Variants in MORC3 observed in about 807,000 individuals in gnomAD.
The protein encoded by MORC3 is MORC family CW-type zinc finger protein 3.
A neutral mutation model predicts 109.1 loss-of-function variants in MORC3; 31 were observed. The ratio of observed to expected loss-of-function variants is 0.28; its 90% CI spans 0.21 to 0.38. The LOEUF is 0.38. MORC3 is among the 10% of genes least tolerant of loss of function. The pLI is 1.00. For missense variants in MORC3, 867 were observed against 1,135.8 expected, an observed-to-expected ratio of 0.76 and a Z score of 3.40; for synonymous variants, 395 against 380.7, an observed-to-expected ratio of 1.04 and a Z score of -0.44.
intron 1 of MORC3, among the ~76,000 whole-genome samples, chr21:36,327,051 G>A (rs1025910069): frequency 6.6e-6 from 1 of 151,590 alleles, no homozygotes; most frequent in Admixed American, 6.6e-5. Context: ...TTGACCTCAG[G>A]TGATCCGCCC....
chr21:36,336,796 C>T, intron 2 of MORC3, 78 bp from the exon 3 acceptor site: 1 of 1,350,728 alleles, frequency 7.4e-7, no homozygotes, highest in South Asian at 1.9e-5. Context: ...TCTTCTATTG[C>T]TTCTTACAGG....
intron 14 of MORC3, among the ~76,000 whole-genome samples, chr21:36,365,536 T>G (rs1364745917): frequency 6.6e-6 from 1 of 152,202 alleles, no homozygotes; most frequent in Non-Finnish European, 1.5e-5. Flanking sequence ...ACTGCCTTTA[T>G]GCATATATAA....
intron 1 of MORC3, among the ~76,000 whole-genome samples, chr21:36,332,158 G>A (rs561255436): frequency 6.6e-6 from 1 of 152,024 alleles, no homozygotes; most frequent in Non-Finnish European, 1.5e-5. Context: ...TAAGAGGCTG[G>A]GTGTGGTGGC....
intron 1 of MORC3, among the ~76,000 whole-genome samples, chr21:36,323,613 C>G (rs541493216): frequency 6.6e-6 from 1 of 152,086 alleles, no homozygotes; most frequent in East Asian, 1.9e-4. Flanking sequence ...TACCCTTGCT[C>G]TTTCTTTAAT....
intron 10 of MORC3, 61 bp downstream of exon 10, chr21:36,356,785 A>G: frequency 8.9e-7 from 1 of 1,120,026 alleles, no homozygotes; most frequent in Non-Finnish European, 1.3e-6. Context: ...ATTAGAGAGT[A>G]AAGGGATTGT....
chr21:36,362,141 G>A (rs1013022544), intron 12 of MORC3, 42 bp from the exon 13 acceptor site: 9 of 1,596,868 alleles, frequency 5.6e-6, no homozygotes, highest in Non-Finnish European at 6.0e-6. Flanking sequence ...TTGGGAAATG[G>A]GATTGAGAAA....
In MORC3 at chr21:36,366,883, T is replaced by G. The variant is rs139828916; in HGVS notation, c.1620-2105T>G. Among the ~76,000 whole-genome samples the G allele has an allele frequency of 1.8e-4, 28 of 152,242 alleles. 1 individual carries two copies. Among genetic ancestry groups the G allele is most frequent in the Non-Finnish European group, 3.5e-4 (24 of 68,022 alleles). ...GAAAAAGAATAGAGTAACTCCAAAT[T>G]AAACAGGGCAGAGTAAGCAAGAAGT... On this transcript the variant is annotated intron_variant, in intron 14 of 16. Transcript: ENST00000400485.
rs575874698 is a variant in MORC3, at chr21:36,361,498, A to G, written c.1407-685A>G. 3.0e-4 allele frequency among the ~76,000 whole-genome samples: 39 copies of G among 128,616 alleles called. No homozygotes were observed. In the East Asian group the frequency reaches 7.2e-3, roughly 24 times the overall value. 84.4% of individuals were successfully genotyped at this position (128,616 alleles called of 152,430 possible). ...GCAGAGATTGTAGTGAGCCGAGCAC[A>G]CCACTGCATTCCAGCCTGGGCGACA... On this transcript the variant is annotated intron_variant, in intron 12 of 16. Transcript: ENST00000400485.
chr21:36,357,647 C>T (rs928733827), intron 10 of MORC3, among the ~76,000 whole-genome samples: 1 of 151,096 alleles, frequency 6.6e-6, no homozygotes, highest in Non-Finnish European at 1.5e-5. Context: ...TTTCCTGAGA[C>T]AAGGAGTTTA....
At chr21:36,362,872 G>T (rs1001512155) in intron 13 of MORC3, among the ~76,000 whole-genome samples, 6 of 151,908 alleles carry the variant, frequency 3.9e-5, no homozygotes, top group Non-Finnish European at 7.4e-5. Flanking sequence ...GTTTAGTTGG[G>T]TATCTTCTGA....
At chr21:36,331,531 G>A (rs1177953286) in intron 1 of MORC3, among the ~76,000 whole-genome samples, 2 of 152,114 alleles carry the variant, frequency 1.3e-5, no homozygotes, top group African/African-American at 2.4e-5. Context: ...AAACCCGGCG[G>A]GCGGAGCTTG....
chr21:36,326,582 A>G (rs2085250236), intron 1 of MORC3, among the ~76,000 whole-genome samples: 1 of 152,128 alleles, frequency 6.6e-6, no homozygotes, highest in South Asian at 2.1e-4. Context: ...GAACTTTATC[A>G]TACATATGTA....
chr21:36,363,958 G>C (rs2085748651), intron 13 of MORC3, 135 bp from the exon 14 acceptor site: 3 of 923,854 alleles, frequency 3.2e-6, no homozygotes, highest in Non-Finnish European at 4.8e-6. Context: ...TCCTGGTATA[G>C]CACAAGGAAT....
intron 8 of MORC3, among the ~76,000 whole-genome samples, chr21:36,346,548 C>T (rs1356031880): frequency 3.3e-5 from 5 of 151,986 alleles, no homozygotes; most frequent in Admixed American, 6.6e-5. Context: ...TGCCTTACAC[C>T]TGTAATCCCA....
At chr21:36,325,233 C>T (rs1046222716) in intron 1 of MORC3, among the ~76,000 whole-genome samples, 1 of 151,996 alleles carries the variant, frequency 6.6e-6, no homozygotes, top group Non-Finnish European at 1.5e-5. Context: ...TTTTAAAAAA[C>T]GAGAACAACA....
At chr21:36,347,165 C>G (rs951925491) in intron 8 of MORC3, among the ~76,000 whole-genome samples, 3 of 151,838 alleles carry the variant, frequency 2.0e-5, no homozygotes, top group Non-Finnish European at 2.9e-5. Flanking sequence ...GGTGATAATT[C>G]TTTGTCTTAA....
chr21:36,358,461 A>G (rs753628863), intron 10 of MORC3, among the ~76,000 whole-genome samples: 6 of 151,926 alleles, frequency 3.9e-5, no homozygotes, highest in Non-Finnish European at 8.8e-5. Flanking sequence ...CATATGTAAA[A>G]TAAGTCTACA....
intron 10 of MORC3, among the ~76,000 whole-genome samples, chr21:36,357,537 A>G (rs1215723293): frequency 1.3e-5 from 2 of 151,968 alleles, no homozygotes; most frequent in Non-Finnish European, 2.9e-5. Context: ...GGCATGAGCC[A>G]CCGTGCCCAG....
rs764902744 is a variant in MORC3 at position 36,364,082 on chromosome 21, C to T, written c.1453-11C>T. ...TAGTTCCTTTAAGGTGATGATTTTTCCCTCCAACAGATTAATGCTGAACTG... is the reference window on the plus strand; with the variant it reads ...TAGTTCCTTTAAGGTGATGATTTTTTCCTCCAACAGATTAATGCTGAACTG... On this transcript the variant is annotated splice_polypyrimidine_tract_variant and intron_variant, in intron 13 of 16. Transcript: ENST00000400485. The T allele has an allele frequency of 1.2e-6, 2 of 1,607,814 alleles. No homozygotes were observed. The highest frequency in any genetic ancestry group is 2.2e-5 in the South Asian group (2 of 90,458).
Sources: allele counts gnomAD v4.1 joint callset (sites outside exome capture counted in the v4.1 genomes callset), GRCh38; gene constraint gnomAD v4.1.1; transcripts MANE v1.5; gene names NCBI Gene and HGNC (gene_info 2026-07-23, HGNC 2026-07-21).